KCNQ5: variants seen among roughly 807,000 people sequenced by gnomAD.
KCNQ5 encodes the protein potassium voltage-gated channel subfamily Q member 5, also known as potassium voltage-gated channel subfamily KQT member 5.
In KCNQ5, 30 loss-of-function variants were observed where a neutral mutation model predicts 98.2. That is an observed-to-expected ratio of 0.31 (90% confidence interval 0.23 to 0.41). KCNQ5 has a LOEUF of 0.41. Among genes scored for constraint, KCNQ5 ranks in the 10% least tolerant of loss-of-function variants. The pLI is 1.00. For synonymous variants in KCNQ5, 458 were observed against 449.4 expected, an observed-to-expected ratio of 1.02 and a Z score of -0.24; for missense variants, 835 against 1,182.5, an observed-to-expected ratio of 0.71 and a Z score of 4.31.
intron 10 of KCNQ5, among the ~76,000 whole-genome samples, chr6:73,137,656 T>G (rs1776525275): frequency 1.3e-5 from 2 of 152,190 alleles, no homozygotes; most frequent in African/African-American, 4.8e-5. Flanking sequence ...TTTTATTTAA[T>G]TCTGTCAATA....
chr6:73,019,826 T>C (rs548868303), intron 2 of KCNQ5, among the ~76,000 whole-genome samples: 15 of 152,300 alleles, frequency 9.8e-5, no homozygotes, highest in African/African-American at 3.4e-4. Context: ...ACAGTCTGAT[T>C]TAATAATTAT....
At chr6:72,634,749 G>A (rs2098923002) in intron 1 of KCNQ5, among the ~76,000 whole-genome samples, 1 of 152,006 alleles carries the variant, frequency 6.6e-6, no homozygotes, top group Non-Finnish European at 1.5e-5. Flanking sequence ...TGTATTTTTA[G>A]TAGAGATGGG....
rs73545804 is a variant in KCNQ5 at position 72,831,804 on chromosome 6, T to G, written c.399-172104T>G. 3.0e-3 allele frequency among the ~76,000 whole-genome samples: 449 copies of G among 152,082 alleles called. 3 individuals are homozygous for G. The highest frequency in any genetic ancestry group is 0.01 in the African/African-American group (427 of 41,498). ...GAGACGGACATTGTTGCAGAGCCCTTTTACTAGGGTTAAACTGGAGTACAG... is the reference window on the plus strand; with the variant it reads ...GAGACGGACATTGTTGCAGAGCCCTGTTACTAGGGTTAAACTGGAGTACAG... On this transcript the variant is annotated intron_variant, in intron 1 of 13. Coordinates refer to ENST00000370398, the MANE Select transcript of KCNQ5 (RefSeq NM_019842.4).
At chr6:72,729,031 C>A (rs540597227) in intron 1 of KCNQ5, among the ~76,000 whole-genome samples, 18 of 151,980 alleles carry the variant, frequency 1.2e-4, no homozygotes, top group Admixed American at 5.9e-4. Flanking sequence ...ATAAGTACTG[C>A]GCAATGTTCT....
intron 1 of KCNQ5, among the ~76,000 whole-genome samples, chr6:72,977,368 A>G (rs1582124238): frequency 6.6e-6 from 1 of 152,176 alleles, no homozygotes; most frequent in South Asian, 2.1e-4. Context: ...TTACAGCATG[A>G]TATTGTGCAG....
chr6:72,977,935 A>T (rs1306282260), intron 1 of KCNQ5, among the ~76,000 whole-genome samples: 2 of 152,196 alleles, frequency 1.3e-5, no homozygotes, highest in Non-Finnish European at 2.9e-5. Flanking sequence ...TGAATACTAC[A>T]TGTTGAATGC....
At chr6:72,671,122 T>C (rs956606319) in intron 1 of KCNQ5, among the ~76,000 whole-genome samples, 2 of 152,186 alleles carry the variant, frequency 1.3e-5, no homozygotes, top group African/African-American at 4.8e-5. Flanking sequence ...TTCACGATTG[T>C]TTAGTATTCA....
At chr6:73,173,529 T>C (rs1778092413) in intron 11 of KCNQ5, among the ~76,000 whole-genome samples, 1 of 152,228 alleles carries the variant, frequency 6.6e-6, no homozygotes, top group Non-Finnish European at 1.5e-5. Flanking sequence ...AGTATCTGGC[T>C]AATTGGGACT....
chr6:72,891,497 G>A (rs1779056674), intron 1 of KCNQ5, among the ~76,000 whole-genome samples: 1 of 151,960 alleles, frequency 6.6e-6, no homozygotes, highest in Non-Finnish European at 1.5e-5. Flanking sequence ...TATTAACCAT[G>A]GCTAAAAAGC....
intron 1 of KCNQ5, among the ~76,000 whole-genome samples, chr6:72,974,470 G>A (rs1768059916): frequency 1.3e-5 from 2 of 151,346 alleles, no homozygotes; most frequent in South Asian, 4.2e-4. Context: ...TGATACTTCT[G>A]GGTCCCTGCC....
chr6:72,785,206 G>C lies in KCNQ5; in HGVS notation c.398+162619G>C, dbSNP rs543152904. 5.3e-5 allele frequency among the ~76,000 whole-genome samples: 8 copies of C among 152,298 alleles called. No individual in the cohort carries two copies. In the South Asian group the frequency reaches 1.7e-3, roughly 32 times the overall value. ...CACAGAGTATTTTTTCTCCTGGGAT[G>C]TTAGAGGAACACATGCCTGCCTGAG... On this transcript the variant is annotated intron_variant, in intron 1 of 13. Transcript: ENST00000370398.
chr6:72,814,184 C>T (rs1293860803), intron 1 of KCNQ5, among the ~76,000 whole-genome samples: 2 of 152,178 alleles, frequency 1.3e-5, no homozygotes, highest in South Asian at 2.1e-4. Context: ...GAAGACAAGG[C>T]GGTGGTCCTG....
At chr6:73,192,750 T>C in intron 13 of KCNQ5, 59 bp downstream of exon 13, 1 of 1,392,238 alleles carries the variant, frequency 7.2e-7, no homozygotes, top group Non-Finnish European at 9.7e-7. Context: ...CAAAATTTAT[T>C]ATAGGCAATT....
chr6:72,722,823 T>A (rs1193688064), intron 1 of KCNQ5, among the ~76,000 whole-genome samples: 1 of 150,614 alleles, frequency 6.6e-6, no homozygotes, highest in African/African-American at 2.4e-5. Flanking sequence ...AGTAGTATAG[T>A]GAAAGGAGTA....
intron 1 of KCNQ5, among the ~76,000 whole-genome samples, chr6:72,692,276 C>T (rs1224431553): frequency 1.3e-5 from 2 of 152,164 alleles, no homozygotes; most frequent in Non-Finnish European, 2.9e-5. Flanking sequence ...ATAATCAAGG[C>T]ATAAATTTGA....
intron 11 of KCNQ5, among the ~76,000 whole-genome samples, chr6:73,171,108 T>C (rs1777998386): frequency 6.6e-6 from 1 of 152,166 alleles, no homozygotes; most frequent in African/African-American, 2.4e-5. Flanking sequence ...AAAGCAGAAA[T>C]GAGTTCTAAA....
chr6:72,652,690 A>AG (rs775119081), intron 1 of KCNQ5, among the ~76,000 whole-genome samples: 6 of 152,044 alleles, frequency 3.9e-5, no homozygotes, highest in Non-Finnish European at 7.4e-5. Context: ...GAGAGGTAGA[A>AG]GGCATACTTG....
At chr6:72,953,803 A>T (rs1373549065) in intron 1 of KCNQ5, among the ~76,000 whole-genome samples, 1 of 152,186 alleles carries the variant, frequency 6.6e-6, no homozygotes, top group Admixed American at 6.5e-5. Context: ...AAAGATTGAG[A>T]TGTACAAAAA....
intron 1 of KCNQ5, among the ~76,000 whole-genome samples, chr6:72,857,887 C>T (rs919116297): frequency 1.3e-5 from 2 of 152,198 alleles, no homozygotes; most frequent in Admixed American, 1.3e-4. Flanking sequence ...ACACAGTAAA[C>T]ATTTCTTGAA....
Sources: gnomAD v4.1 joint callset for allele counts (sites outside exome capture counted in the v4.1 genomes callset) on GRCh38, gnomAD v4.1.1 for gene constraint, MANE v1.5 for transcripts, NCBI Gene and HGNC (gene_info 2026-07-23, HGNC 2026-07-21) for gene names.